SPATS2L: variants seen among roughly 807,000 people sequenced by gnomAD.
The protein encoded by SPATS2L is SPATS2-like protein.
In SPATS2L, 30 loss-of-function variants were observed where a neutral mutation model predicts 59.6. The ratio of observed to expected loss-of-function variants is 0.50; its 90% confidence interval spans 0.38 to 0.68. The LOEUF is 0.68. SPATS2L is among the 30% of genes least tolerant of loss of function. The probability of loss-of-function intolerance (pLI) is 0.00; values close to 1 mark genes in which losing one functional copy is unlikely to be tolerated. For synonymous variants in SPATS2L, 252 were observed against 263.5 expected, an observed-to-expected ratio of 0.96 and a Z score of 0.42; for missense variants, 615 against 700.0, an observed-to-expected ratio of 0.88 and a Z score of 1.37.
chr2:200,374,279 C>T (rs3769456), intron 2 of SPATS2L, among the ~76,000 whole-genome samples: 52,633 of 151,970 alleles, frequency 0.35, 9,927 homozygotes, highest in East Asian at 0.55. Flanking sequence ...TTTCTGCAAG[C>T]GAAGTTTCAC....
chr2:200,308,360 A>AGAT (rs1327780978), intron 1 of SPATS2L, among the ~76,000 whole-genome samples: 7 of 152,270 alleles, frequency 4.6e-5, no homozygotes, highest in Non-Finnish European at 1.0e-4. Context: ...ATGTGTTGTT[A>AGAT]GATAGGGCAG....
intron 3 of SPATS2L, among the ~76,000 whole-genome samples, chr2:200,395,419 G>A (rs1465115394): frequency 2.0e-5 from 3 of 152,176 alleles, no homozygotes; most frequent in African/African-American, 7.2e-5. Context: ...CACTTTAGAG[G>A]ACCCAGTACA....
At chr2:200,438,722 C>T (rs980949447) in intron 6 of SPATS2L, among the ~76,000 whole-genome samples, 1 of 152,148 alleles carries the variant, frequency 6.6e-6, no homozygotes, top group Non-Finnish European at 1.5e-5. Flanking sequence ...AGGAGGGCTA[C>T]ATTTTTATAG....
intron 1 of SPATS2L, among the ~76,000 whole-genome samples, chr2:200,312,283 C>A (rs1048570182): frequency 3.3e-5 from 5 of 152,292 alleles, no homozygotes; most frequent in East Asian, 3.9e-4. Flanking sequence ...ATGAGAGGTG[C>A]ACCCCAGATT....
chr2:200,311,657 A>G (rs2079195387), intron 1 of SPATS2L, among the ~76,000 whole-genome samples: 2 of 152,258 alleles, frequency 1.3e-5, no homozygotes, highest in South Asian at 4.1e-4. Flanking sequence ...AAGGTGATGT[A>G]GGGAAGAGTC....
rs2083127154 is a variant in SPATS2L at position 200,417,816 on chromosome 2, G to A, written c.198+1388G>A. Among the ~76,000 whole-genome samples, 3 of 152,184 alleles carry A rather than the reference G, an allele frequency of 2.0e-5. No homozygotes were observed. The South Asian group carries it at 6.2e-4, about 32-fold the overall frequency. ...TTTTTACTTCTTTTGTAAATGTGTT[G>A]AAGAACGAAGCCACGCTGATGTTCA... On this transcript the variant is annotated intron_variant, in intron 5 of 12. Transcript: ENST00000409140.
At position 200,477,699 on chromosome 2, in the gene SPATS2L, C is replaced by G. The variant is rs1267167343; in HGVS notation, c.1345C>G (p.Pro449Ala). The G allele has an allele frequency of 6.4e-7, 1 of 1,565,280 alleles. No individual in the cohort carries two copies. Among genetic ancestry groups the G allele is most frequent in the African/African-American group, 1.4e-5 (1 of 73,562 alleles). The part of the protein sequence containing the change: ...PQYHNNRLNG[P>A]AKSQGSGNEA... ...GTATCATAACAACAGGCTAAATGGG[C>G]CTGCCAAGTCGCAGGGCAGTGGGAA... is the stretch of plus-strand genomic sequence containing the variant. Residue 449 changes from proline to alanine, a missense_variant, in exon 13 of 13, where the codon CCT becomes GCT. Transcript: ENST00000409140.
chr2:200,374,710 G>A (rs1269471820), intron 2 of SPATS2L, among the ~76,000 whole-genome samples: 2 of 152,130 alleles, frequency 1.3e-5, no homozygotes, highest in Admixed American at 6.5e-5. Context: ...TTGTCTCTAC[G>A]AATCGGCCAA....
At chr2:200,306,297 G>A (rs1281255103), upstream of SPATS2L, 2 of 1,002,390 alleles carry the variant, frequency 2.0e-6, no homozygotes, top group Non-Finnish European at 2.4e-6. Context: ...TCTCGGGTAG[G>A]AGAAGATGAT....
chr2:200,453,340 T>C (rs897614711), intron 8 of SPATS2L, among the ~76,000 whole-genome samples: 4 of 152,260 alleles, frequency 2.6e-5, no homozygotes, highest in Non-Finnish European at 5.9e-5. Flanking sequence ...CCGTACGGTC[T>C]TTCTGCATTT....
At chr2:200,331,870 A>G (rs1275698266) in intron 2 of SPATS2L, among the ~76,000 whole-genome samples, 1 of 152,204 alleles carries the variant, frequency 6.6e-6, no homozygotes, top group Non-Finnish European at 1.5e-5. Context: ...TCATCTAAGT[A>G]TGTCCCATTT....
At chr2:200,411,014 CATAT>C (rs72177636) in intron 3 of SPATS2L, among the ~76,000 whole-genome samples, 9 of 146,262 alleles carry the variant, frequency 6.2e-5, no homozygotes, top group African/African-American at 2.2e-4. Flanking sequence ...CACACACATA[CATAT>C]ATATATATAT....
intron 6 of SPATS2L, among the ~76,000 whole-genome samples, chr2:200,430,662 T>C (rs908565054): frequency 6.6e-6 from 1 of 151,962 alleles, no homozygotes; most frequent in African/African-American, 2.4e-5. Flanking sequence ...TGTTTATGAA[T>C]GTGCCATATT....
intron 8 of SPATS2L, among the ~76,000 whole-genome samples, chr2:200,451,293 C>A (rs2085425949): frequency 6.6e-6 from 1 of 151,914 alleles, no homozygotes; most frequent in African/African-American, 2.4e-5. Flanking sequence ...CACCGCTGCA[C>A]CCCAACCTGG....
chr2:200,396,602 A>G (rs144083088), intron 3 of SPATS2L, among the ~76,000 whole-genome samples: 13 of 152,322 alleles, frequency 8.5e-5, no homozygotes, highest in Non-Finnish European at 1.6e-4. Flanking sequence ...ATGGTCAGAA[A>G]AATCCAAGCA....
At chr2:200,406,173 A>G (rs1384668774) in intron 3 of SPATS2L, among the ~76,000 whole-genome samples, 2 of 152,192 alleles carry the variant, frequency 1.3e-5, no homozygotes, top group African/African-American at 4.8e-5. Context: ...ATAAGTAAAT[A>G]ATGGTGGCAA....
chr2:200,343,366 A>G (rs1293590239), intron 2 of SPATS2L, among the ~76,000 whole-genome samples: 1 of 152,192 alleles, frequency 6.6e-6, no homozygotes. Flanking sequence ...AGGTGTCTGT[A>G]GTTAACATTC....
intron 2 of SPATS2L, among the ~76,000 whole-genome samples, chr2:200,369,092 A>G (rs2081347535): frequency 1.8e-4 from 1 of 5,432 alleles, no homozygotes; most frequent in Non-Finnish European, 7.8e-3. Context: ...AAAAAAAAAA[A>G]AGAAGAGAGT....
chr2:200,463,756 A>G (rs1405101752), intron 9 of SPATS2L, among the ~76,000 whole-genome samples: 2 of 152,238 alleles, frequency 1.3e-5, no homozygotes, highest in Non-Finnish European at 2.9e-5. Flanking sequence ...AACACAAACA[A>G]ATTATGAAGT....
Sources: allele counts gnomAD v4.1 joint callset (sites outside exome capture counted in the v4.1 genomes callset), GRCh38; gene constraint gnomAD v4.1.1; transcripts MANE v1.5; gene names NCBI Gene and HGNC (gene_info 2026-07-23, HGNC 2026-07-21).